Variants in RFX6 observed in about 807,000 individuals in gnomAD.
RFX6 encodes DNA-binding protein RFX6.
In RFX6, 50 loss-of-function variants were observed where a neutral mutation model predicts 110.8. The ratio of observed to expected loss-of-function variants is 0.45; its 90% CI spans 0.36 to 0.57. The LOEUF (loss-of-function observed/expected upper bound fraction) is 0.57, where lower values mean the gene tolerates loss of function less well. RFX6 is among the 20% of genes least tolerant of loss of function. RFX6 has a pLI of 0.00. For synonymous variants in RFX6, 383 were observed against 411.2 expected (o/e 0.93, Z 0.83); for missense variants, 990 against 1,127.0 (o/e 0.88, Z 1.74).
chr6:116,904,805 A>G (rs953900442), intron 6 of RFX6, among the ~76,000 whole-genome samples: 1 of 152,164 alleles, frequency 6.6e-6, no homozygotes, highest in Non-Finnish European at 1.5e-5. Context: ...ACTTACCATA[A>G]TGTCCTCAAG....
intron 9 of RFX6, 104 bp downstream of exon 9, chr6:116,916,418 G>C (rs1285702323): frequency 7.6e-6 from 6 of 785,152 alleles, no homozygotes; most frequent in Non-Finnish European, 1.3e-5. Context: ...ATTTATGGCT[G>C]GATATACACT....
chr6:116,884,725 G>A (rs1774662991), intron 4 of RFX6: 1 of 152,148 alleles, frequency 6.6e-6, no homozygotes, highest in Admixed American at 6.6e-5. Context: ...TTTAGGATTA[G>A]GGATGAATCA....
intron 6 of RFX6, among the ~76,000 whole-genome samples, chr6:116,905,989 C>T (rs991146321): frequency 6.6e-6 from 1 of 151,890 alleles, no homozygotes; most frequent in African/African-American, 2.4e-5. Flanking sequence ...TTAGCTCCTA[C>T]ATTTAGATAT....
intron 6 of RFX6, among the ~76,000 whole-genome samples, 183 bp downstream of exon 6, chr6:116,895,390 TC>T (rs1269885330): frequency 2.0e-5 from 3 of 152,122 alleles, no homozygotes; most frequent in Admixed American, 6.5e-5. Context: ...TTTGCATGGA[TC>T]TACCAAACAA....
intron 5 of RFX6, among the ~76,000 whole-genome samples, chr6:116,894,329 A>G (rs1176091069): frequency 6.6e-6 from 1 of 152,216 alleles, no homozygotes; most frequent in Non-Finnish European, 1.5e-5. Flanking sequence ...TTGCTTTTAA[A>G]TTAGTATTTA....
At chr6:116,894,910 A>G (rs141468993) in intron 5 of RFX6, among the ~76,000 whole-genome samples, 35 of 152,290 alleles carry the variant, frequency 2.3e-4, no homozygotes, top group African/African-American at 7.7e-4. Flanking sequence ...AGGCTGGAAC[A>G]CACACAAATG....
At chr6:116,917,934 T>C (rs1309008971) in intron 9 of RFX6, 103 bp from the exon 10 acceptor site, 1 of 789,704 alleles carries the variant, frequency 1.3e-6, no homozygotes, top group Non-Finnish European at 2.2e-6. Flanking sequence ...GTTAACATGT[T>C]ATTCTCTAGG....
At chr6:116,889,352 A>C (rs1409309220) in intron 4 of RFX6, among the ~76,000 whole-genome samples, 13 of 152,178 alleles carry the variant, frequency 8.5e-5, no homozygotes, top group Admixed American at 8.5e-4. Context: ...ATTTTTAATG[A>C]GGAATACAGT....
In RFX6 at chr6:116,917,452, G is replaced by C. The variant is rs1320424730; in HGVS notation, c.973-585G>C. On this transcript the variant is annotated intron_variant, in intron 9 of 18. Transcript: ENST00000332958. ...CTTGACAAGGCTCCCAAAAGGGGAG[G>C]GGAGGCAGCTCCGTGAGTGAGTATA... Among the ~76,000 whole-genome samples, 4 of 151,996 alleles carry C rather than the reference G, an allele frequency of 2.6e-5. No individual in the cohort carries two copies. The Middle Eastern group carries it at 0.01, about 388-fold the overall frequency.
chr6:116,929,799 A>G (rs1201231784), intron 18 of RFX6, among the ~76,000 whole-genome samples: 1 of 152,224 alleles, frequency 6.6e-6, no homozygotes, highest in African/African-American at 2.4e-5. Flanking sequence ...TCAGACTAGC[A>G]TAAGTAGAGG....
chr6:116,927,234 G>A lies in RFX6; in HGVS notation c.2093G>A (p.Ser698Asn). Residue 698 changes from serine (S) to asparagine (N), a missense_variant, in exon 17 of 19, where the codon AGC becomes AAC. This residue lies in a region of RFX6 where 438 missense variants were observed against 441.9 expected (regional missense o/e 0.99). Transcript: ENST00000332958. ...TLPQANHDFY[S>N]TSSNYQTVFR... ...CCTCAAGCCAATCATGACTTTTATA[G>A]CACCAGCTCTAACTACCAGACTGTG... is the stretch of plus-strand genomic sequence containing the variant. The A allele has an allele frequency of 6.2e-7, 1 of 1,614,138 alleles. No individual in the cohort carries two copies. Among genetic ancestry groups the A allele is most frequent in the Non-Finnish European group, 8.5e-7 (1 of 1,180,020 alleles).
chr6:116,914,177 T>TGG lies in RFX6; in HGVS notation c.781-1830_781-1829insGG, dbSNP rs1775415941. Among the ~76,000 whole-genome samples the TGG allele has an allele frequency of 2.0e-5, 3 of 152,302 alleles. No individual in the cohort carries two copies. The South Asian group carries it at 6.2e-4, about 32-fold the overall frequency. On this transcript the variant is annotated intron_variant, in intron 7 of 18. Coordinates refer to ENST00000332958, the MANE Select transcript of RFX6 (RefSeq NM_173560.4). ...GGTCCCACATATGAGTGAGATCATGTGATATTTGTCTTTCTCTGCTTGGCT... is the reference window on the plus strand; with the variant it reads ...GGTCCCACATATGAGTGAGATCATGTGGGATATTTGTCTTTCTCTGCTTGGCT...
intron 17 of RFX6, 100 bp downstream of exon 17, chr6:116,927,639 T>G: frequency 1.1e-6 from 1 of 937,966 alleles, no homozygotes; most frequent in Non-Finnish European, 1.7e-6. Flanking sequence ...TCCTTTCATT[T>G]AAGGCTTCCA....
intron 16 of RFX6, 125 bp downstream of exon 16, chr6:116,925,784 T>C: frequency 1.4e-6 from 1 of 704,596 alleles, no homozygotes; most frequent in South Asian, 1.6e-5. Context: ...CTTAACTGAG[T>C]TTTAATAAAG....
rs573348756 is a variant in RFX6 at position 116,901,892 on chromosome 6, A to G, written c.672+6685A>G. ...CAAGGAGGTGTGTATGAGGATGTTC[A>G]CTGCGACATGGTTTATAATTGCAGA... is the stretch of plus-strand genomic sequence containing the variant. On this transcript the variant is annotated intron_variant, in intron 6 of 18. Transcript: ENST00000332958. Among the ~76,000 whole-genome samples, 18 of 152,282 alleles carry G rather than the reference A, an allele frequency of 1.2e-4. No individual in the cohort carries two copies. In the South Asian group the frequency reaches 3.7e-3, roughly 32 times the overall value.
chr6:116,917,177 A>G (rs1440931916), intron 9 of RFX6, among the ~76,000 whole-genome samples: 1 of 152,070 alleles, frequency 6.6e-6, no homozygotes, highest in Non-Finnish European at 1.5e-5. Flanking sequence ...GCAGACCAAG[A>G]AGTAATGAGA....
At position 116,905,765 on chromosome 6, in the gene RFX6, T is replaced by G. The variant is rs534550470; in HGVS notation, c.673-5170T>G. ...CAGAGTTTCACCATGTTGGCCAGGA[T>G]GTTCTCAATCTCTTGACCTCATGAT... On this transcript the variant is annotated intron_variant, in intron 6 of 18. Coordinates refer to ENST00000332958, the MANE Select transcript of RFX6 (RefSeq NM_173560.4). 3.9e-5 allele frequency among the ~76,000 whole-genome samples: 6 copies of G among 152,182 alleles called. No individual in the cohort carries two copies. The East Asian group carries it at 7.8e-4, about 20-fold the overall frequency.
intron 6 of RFX6, among the ~76,000 whole-genome samples, chr6:116,899,947 A>T (rs539496584): frequency 2.6e-5 from 4 of 152,326 alleles, no homozygotes; most frequent in African/African-American, 9.6e-5. Flanking sequence ...AAAAAATCCT[A>T]TAAAAATATG....
At chr6:116,881,894 T>C (rs1394334089) in intron 3 of RFX6, among the ~76,000 whole-genome samples, 1 of 152,152 alleles carries the variant, frequency 6.6e-6, no homozygotes, top group East Asian at 1.9e-4. Context: ...AATCAGATCC[T>C]AATTTTAGCA....
Sources: allele counts gnomAD v4.1 joint callset (sites outside exome capture counted in the v4.1 genomes callset), GRCh38; gene constraint gnomAD v4.1.1; regional missense constraint gnomAD v4.1.1; transcripts MANE v1.5; gene names NCBI Gene and HGNC (gene_info 2026-07-23, HGNC 2026-07-21).